The following ARHGAP30 variants were observed in gnomAD, a reference collection of about 807,000 sequenced individuals.
ARHGAP30 encodes Rho GTPase activating protein 30.
Under a neutral mutation model 72.0 loss-of-function variants are expected in ARHGAP30, and 23 were observed. The observed-to-expected ratio is 0.32, with a 90% CI of 0.23 to 0.45. The LOEUF is 0.45. ARHGAP30 is among the 20% of genes least tolerant of loss of function. The pLI is 1.00. For missense variants in ARHGAP30, 1,319 were observed against 1,383.4 expected (o/e 0.95, Z 0.74); for synonymous variants, 576 against 528.2 (o/e 1.09, Z -1.24).
chr1:161,066,631 C>T (rs1400798222), intron 1 of ARHGAP30, among the ~76,000 whole-genome samples: 3 of 99,496 alleles, frequency 3.0e-5, no homozygotes, highest in South Asian at 3.8e-4. Context: ...GGTGACAGAG[C>T]AAGACTGCAT....
intron 2 of ARHGAP30, among the ~76,000 whole-genome samples, chr1:161,058,073 C>T (rs1347741138): frequency 6.6e-6 from 1 of 151,942 alleles, no homozygotes; most frequent in Non-Finnish European, 1.5e-5. Context: ...ATCGCTTGAA[C>T]CCGCAAGGTG....
At chr1:161,055,863 A>T (rs1189560149) in intron 3 of ARHGAP30, among the ~76,000 whole-genome samples, 2 of 19,344 alleles carry the variant, frequency 1.0e-4, no homozygotes, top group Admixed American at 4.2e-4. Flanking sequence ...AAATAAATAA[A>T]ATAAAATAAA....
chr1:161,058,168 C>T (rs1019305127), intron 2 of ARHGAP30, among the ~76,000 whole-genome samples: 2 of 150,586 alleles, frequency 1.3e-5, no homozygotes, highest in African/African-American at 4.9e-5. Flanking sequence ...AAAAATTAAC[C>T]GGGAGTGGTG....
rs1312996043 is a variant in ARHGAP30, at chr1:161,059,318, C to T, written c.200+296G>A. On this transcript the variant is annotated intron_variant, in intron 2 of 11. Transcript: ENST00000368013. ...TGCTGAGATTACAAGCGTGAGCCAC[C>T]GCGCCTGGCTCAAGTTTTTTTTTTT... Among the ~76,000 whole-genome samples the T allele has an allele frequency of 5.4e-5, 8 of 148,878 alleles. No individual in the cohort carries two copies. In the South Asian group the frequency reaches 1.3e-3, roughly 24 times the overall value.
At chr1:161,064,801 A>AAGAG (rs774011216) in intron 1 of ARHGAP30, among the ~76,000 whole-genome samples, 1 of 71,342 alleles carries the variant, frequency 1.4e-5, no homozygotes, top group Non-Finnish European at 2.7e-5. Flanking sequence ...GAAAGAAAGA[A>AAGAG]AGAAAGAAAG....
chr1:161,051,970 C>T (rs965904193), intron 9 of ARHGAP30, among the ~76,000 whole-genome samples: 82 of 324 alleles, frequency 0.25, no homozygotes, highest in African/African-American at 0.35. Flanking sequence ...GCCGTTGTCA[C>T]CACCACCACC....
chr1:161,066,170 A>C (rs1652750943), intron 1 of ARHGAP30, among the ~76,000 whole-genome samples: 1 of 150,846 alleles, frequency 6.6e-6, no homozygotes, highest in African/African-American at 2.4e-5. Flanking sequence ...CAGCCAACCA[A>C]AATCTTTCAA....
chr1:161,049,779 C>G, intron 10 of ARHGAP30, 90 bp from the exon 11 acceptor site: 1 of 1,465,814 alleles, frequency 6.8e-7, no homozygotes, highest in Non-Finnish European at 9.2e-7. Flanking sequence ...TAGCAGGGGC[C>G]CAGCACTCCC....
chr1:161,064,836 A>AGG (rs1259358183), intron 1 of ARHGAP30, among the ~76,000 whole-genome samples: 1 of 30,580 alleles, frequency 3.3e-5, no homozygotes, highest in Non-Finnish European at 9.1e-5. Flanking sequence ...AGAAAGAGAA[A>AGG]GAAAGAAAGA....
chr1:161,052,072 GTCCCA>G (rs993023907), intron 9 of ARHGAP30, among the ~76,000 whole-genome samples: 1 of 130,032 alleles, frequency 7.7e-6, no homozygotes, highest in African/African-American at 2.9e-5. Context: ...TACCCATGCT[GTCCCA>G]TCCCATACGA....
intron 1 of ARHGAP30, among the ~76,000 whole-genome samples, chr1:161,068,457 C>G (rs903475530): frequency 3.3e-5 from 5 of 152,038 alleles, no homozygotes; most frequent in African/African-American, 9.7e-5. Context: ...AGGGGCGGGG[C>G]TAAGAGCAGG....
intron 1 of ARHGAP30, among the ~76,000 whole-genome samples, chr1:161,061,741 G>A (rs1652327393): frequency 6.6e-6 from 1 of 152,046 alleles, no homozygotes; most frequent in Non-Finnish European, 1.5e-5. Flanking sequence ...ATCTAAGTGT[G>A]ATCCATCTTG....
In ARHGAP30 at chr1:161,048,791, C is replaced by T. The variant is rs1250735526; in HGVS notation, c.2230G>A (p.Asp744Asn). ...VEEPGGDEYTDEKEKEIEREE... is the reference protein window; with the variant it reads ...VEEPGGDEYTNEKEKEIEREE... ...CTCTCAATTTCTTTTTCCTTCTCAT[C>T]TGTATACTCATCTCCTCCTGGTTCC... is the stretch of plus-strand genomic sequence containing the variant. The change falls in exon 12 of 12, where the codon GAT becomes AAT. Residue 744 changes from aspartate (D) to asparagine (N), a missense_variant. Asp to Asn is a conservative substitution (Grantham distance 23). Transcript: ENST00000368013. 6.2e-7 allele frequency: 1 copy of T among 1,614,136 alleles called. No homozygotes were observed. The highest frequency in any genetic ancestry group is 1.1e-5 in the South Asian group (1 of 91,082).
Position 161,047,085 on chromosome 1 carries a change from G to A in ARHGAP30, c.*630C>T. 2.3e-6 allele frequency: 1 copy of A among 433,480 alleles called. No homozygotes were observed. The highest frequency in any genetic ancestry group is 4.7e-6 in the Non-Finnish European group (1 of 212,970). 26.9% of individuals were successfully genotyped at this position (433,480 alleles called of 1,614,324 possible). A position where few individuals can be genotyped will look rare whatever the true frequency, so the allele number is the denominator to read the frequency against. ...GAAATAGGAACAAGTTATTCCAAAG[G>A]AGAAAGGAGAGCCCAGAGAGATCTG... On this transcript the variant is annotated 3_prime_UTR_variant, in exon 12 of 12. Coordinates refer to ENST00000368013, the MANE Select transcript of ARHGAP30 (RefSeq NM_001025598.2).
chr1:161,048,411 C>T lies in ARHGAP30; in HGVS notation c.2610G>A (p.Leu870=). The T allele has an allele frequency of 6.2e-7, 1 of 1,614,138 alleles. No individual in the cohort carries two copies. The highest frequency in any genetic ancestry group is 8.5e-7 in the Non-Finnish European group (1 of 1,180,018). ...TGCCCTCTTTGGCACAGTCAACCTC[C>T]AGGGACGCTACACCTGAACCTTCAG... ...TLSEGSGVAS[L]EVDCAKEGNP... Residue 870 remains leucine (L), a synonymous_variant, in exon 12 of 12, where the codon CTG becomes CTA. Coordinates refer to ENST00000368013, the MANE Select transcript of ARHGAP30 (RefSeq NM_001025598.2).
chr1:161,052,008 A>G (rs1571079739), intron 9 of ARHGAP30, among the ~76,000 whole-genome samples: 1 of 47,912 alleles, frequency 2.1e-5, no homozygotes, highest in Non-Finnish European at 4.0e-5. Context: ...CACCACCACC[A>G]CCACCACCAC....
chr1:161,055,451 C>A (rs1267808137), intron 3 of ARHGAP30, among the ~76,000 whole-genome samples: 2 of 152,022 alleles, frequency 1.3e-5, no homozygotes, highest in South Asian at 2.1e-4. Flanking sequence ...TGTGATCACA[C>A]CACTGCACTC....
chr1:161,052,825 C>A (rs1276088848), intron 6 of ARHGAP30, 28 bp from the exon 7 acceptor site: 1 of 1,605,142 alleles, frequency 6.2e-7, no homozygotes, highest in South Asian at 1.1e-5. Context: ...ATTGGCCAGC[C>A]AGGAACAGAG....
intron 2 of ARHGAP30, among the ~76,000 whole-genome samples, chr1:161,057,812 C>T (rs1413445321): frequency 5.3e-5 from 8 of 151,994 alleles, no homozygotes; most frequent in Admixed American, 2.6e-4. Context: ...GTCTGGAGTT[C>T]GAGACCAGCC....
Sources: allele counts gnomAD v4.1 joint callset (sites outside exome capture counted in the v4.1 genomes callset), GRCh38; gene constraint gnomAD v4.1.1; transcripts MANE v1.5; gene names NCBI Gene and HGNC (gene_info 2026-07-23, HGNC 2026-07-21).